B4GALNT2: variants seen among roughly 807,000 people sequenced by gnomAD.
B4GALNT2 encodes beta-1,4-N-acetyl-galactosaminyltransferase 2 (SID blood group).
Under a neutral mutation model 51.1 loss-of-function variants are expected in B4GALNT2, and 42 were observed. The observed-to-expected ratio is 0.82, with a 90% CI of 0.64 to 1.06. The LOEUF is 1.06. B4GALNT2 is among the 50% of genes least tolerant of loss of function. B4GALNT2 has a pLI of 0.00. For synonymous variants in B4GALNT2, 253 were observed against 251.7 expected (o/e 1.01, Z -0.05); for missense variants, 602 against 633.6 (o/e 0.95, Z 0.54).
chr17:49,125,978 CG>C, the B4GALNT2 span, among the ~76,000 whole-genome samples: 1 of 149,254 alleles, frequency 6.7e-6, no homozygotes, highest in African/African-American at 2.5e-5. Context: ...TCTGCCCGGC[CG>C]CCACCCCGTC....
intron 4 of B4GALNT2, among the ~76,000 whole-genome samples, chr17:49,153,136 G>A (rs1224853307): frequency 6.6e-6 from 1 of 151,992 alleles, no homozygotes; most frequent in East Asian, 1.9e-4. Flanking sequence ...AAGGGGCCGG[G>A]TGCTGTGCTC....
chr17:49,150,837 G>A (rs1306177363), intron 3 of B4GALNT2, among the ~76,000 whole-genome samples: 3 of 149,274 alleles, frequency 2.0e-5, no homozygotes, highest in Admixed American at 2.0e-4. Flanking sequence ...TTGTTCACTT[G>A]TTTATCCGCT....
chr17:49,153,885 C>T (rs767585349), intron 4 of B4GALNT2, among the ~76,000 whole-genome samples: 5 of 152,090 alleles, frequency 3.3e-5, no homozygotes, highest in Non-Finnish European at 7.4e-5. Context: ...CCTCCTGGGG[C>T]TCCAAGATAA....
At chr17:49,157,372 GTGCAGTGGTGCAATCTCTGCTCAC>G (rs781380707) in intron 5 of B4GALNT2, among the ~76,000 whole-genome samples, 23,418 of 151,126 alleles carry the variant, frequency 0.15, 2,097 homozygotes, top group South Asian at 0.31. Context: ...CTAGCCTGGA[GTGCAGTGGTGCAATCTCTGCTCAC>G]TGCAACCTCC....
In B4GALNT2 at chr17:49,170,305, T is replaced by C. The variant is rs2042949723; in HGVS notation, c.*577T>C. ...GAAGGGGTCACCAGGTCCCAGGTGG[T>C]GGAGGAAGACTCCGTGGAGTGAACT... On this transcript the variant is annotated 3_prime_UTR_variant, in exon 11 of 11. Transcript: ENST00000393354. 2.0e-5 allele frequency: 3 copies of C among 152,700 alleles called. No individual in the cohort carries two copies. Among genetic ancestry groups the C allele is most frequent in the African/African-American group, 4.8e-5 (2 of 41,442 alleles). The allele number at this position is 152,700 out of a possible 1,614,324, so 9.5% of individuals were successfully genotyped here. A position where few individuals can be genotyped will look rare whatever the true frequency, so the allele number is the denominator to read the frequency against.
upstream of B4GALNT2, among the ~76,000 whole-genome samples, chr17:49,128,235 C>A (rs112658996): frequency 5.0e-3 from 766 of 152,258 alleles, 7 homozygotes; most frequent in Middle Eastern, 0.027. Context: ...AATGCCTTCA[C>A]CCCCAGCCAC....
upstream of B4GALNT2, among the ~76,000 whole-genome samples, chr17:49,129,772 G>T (rs1471785148): frequency 1.3e-5 from 2 of 152,166 alleles, no homozygotes; most frequent in African/African-American, 4.8e-5. Context: ...TTATCTCAGG[G>T]CTGGCATGTC....
At position 49,172,503 on chromosome 17, in the gene B4GALNT2, T is replaced by G. The variant is rs972295897; in HGVS notation, c.*2775T>G. ...TGGCCTTTAAGCAGGCTCAAAAAATTTAAAGTCAATAATGCTAGAATCAAT... is the reference window on the plus strand; with the variant it reads ...TGGCCTTTAAGCAGGCTCAAAAAATGTAAAGTCAATAATGCTAGAATCAAT... On this transcript the variant is annotated 3_prime_UTR_variant, in exon 11 of 11. Coordinates refer to ENST00000393354, the MANE Select transcript of B4GALNT2 (RefSeq NM_001159387.2). 5 of 153,382 alleles carry G rather than the reference T, an allele frequency of 3.3e-5. No individual in the cohort carries two copies. Among genetic ancestry groups the G allele is most frequent in the African/African-American group, 1.2e-4 (5 of 41,508 alleles). 9.5% of individuals were successfully genotyped at this position (153,382 alleles called of 1,614,324 possible). A position where few individuals can be genotyped will look rare whatever the true frequency, so the allele number is the denominator to read the frequency against.
chr17:49,172,213 C>A lies in B4GALNT2; in HGVS notation c.*2485C>A. The stretch of plus-strand genomic sequence containing the variant: ...TCATGATAGTTGGGGTCCTCCTCAG[C>A]ATCAGTCTTGACATGGCTGCAACCA... On this transcript the variant is annotated 3_prime_UTR_variant, in exon 11 of 11. Coordinates refer to ENST00000393354, the MANE Select transcript of B4GALNT2 (RefSeq NM_001159387.2). 8.8e-6 allele frequency: 2 copies of A among 228,528 alleles called. No homozygotes were observed. Among genetic ancestry groups the A allele is most frequent in the Non-Finnish European group, 8.5e-6 (1 of 117,432 alleles). The allele number at this position is 228,528 out of a possible 1,614,324, so 14.2% of individuals were successfully genotyped here. A position where few individuals can be genotyped will look rare whatever the true frequency, so the allele number is the denominator to read the frequency against.
the B4GALNT2 span, among the ~76,000 whole-genome samples, chr17:49,126,089 C>A: frequency 6.6e-6 from 1 of 152,050 alleles, no homozygotes; most frequent in Non-Finnish European, 1.5e-5. Flanking sequence ...ATTGAGAAAT[C>A]GGATGGTTGC....
intron 2 of B4GALNT2, 86 bp downstream of exon 2, chr17:49,141,533 G>A: frequency 7.2e-7 from 1 of 1,394,472 alleles, no homozygotes. Context: ...TGTGCCCATT[G>A]TACAGATGGT....
At chr17:49,129,859 A>G (rs1026813716), upstream of B4GALNT2, among the ~76,000 whole-genome samples, 8 of 152,184 alleles carry the variant, frequency 5.3e-5, no homozygotes, top group Admixed American at 1.3e-4. Flanking sequence ...TGGTCATGCT[A>G]ACCTTAGCCA....
the B4GALNT2 span, among the ~76,000 whole-genome samples, chr17:49,123,422 T>C: frequency 6.6e-6 from 1 of 152,248 alleles, no homozygotes; most frequent in Non-Finnish European, 1.5e-5. Context: ...TAATAAAAAT[T>C]GAAAAACATT....
In B4GALNT2 at chr17:49,174,540, G is replaced by T. The variant is rs2042976333; in HGVS notation, c.*4812G>T. 6.6e-6 allele frequency: 1 copy of T among 152,160 alleles called. No individual in the cohort carries two copies. The highest frequency in any genetic ancestry group is 6.5e-5 in the Admixed American group (1 of 15,274). The allele number at this position is 152,160 out of a possible 1,614,324, so 9.4% of individuals were successfully genotyped here. On this transcript the variant is annotated 3_prime_UTR_variant, in exon 11 of 11. Coordinates refer to ENST00000393354, the MANE Select transcript of B4GALNT2 (RefSeq NM_001159387.2). ...AGTCCTGGCTGCAATGTCCCCATAG[G>T]TTGTATAACTGAATTAATGGCTCTT...
chr17:49,138,442 C>CT (rs2144274455), intron 1 of B4GALNT2, among the ~76,000 whole-genome samples: 1 of 152,304 alleles, frequency 6.6e-6, no homozygotes, highest in African/African-American at 2.4e-5. Context: ...TGTTTTCTGA[C>CT]TTGTTGGCTT....
At chr17:49,154,750 A>T (rs1429357806) in intron 4 of B4GALNT2, among the ~76,000 whole-genome samples, 2 of 152,090 alleles carry the variant, frequency 1.3e-5, no homozygotes, top group Non-Finnish European at 2.9e-5. Context: ...GATGCAGGAC[A>T]TCAACAGATG....
chr17:49,168,791 C>A lies in B4GALNT2; in HGVS notation c.1206C>A (p.Gly402=), dbSNP rs760066877. ...TGGGATTTTTCCAACCCCTGGATGG[C>A]TTCCCCAGCTGCGTGGTGACCAGTG... ...KRMGFFQPLD[G]FPSCVVTSGV... The change falls in exon 10 of 11, where the codon GGC becomes GGA. Residue 402 remains glycine, a synonymous_variant. Transcript: ENST00000393354. The A allele has an allele frequency of 9.3e-6, 15 of 1,614,116 alleles. 1 individual carries two copies. In the Admixed American group the frequency reaches 2.3e-4, roughly 25 times the overall value.
chr17:49,127,941 T>C (rs2042518986), upstream of B4GALNT2, among the ~76,000 whole-genome samples: 1 of 152,142 alleles, frequency 6.6e-6, no homozygotes, highest in Non-Finnish European at 1.5e-5. Flanking sequence ...ATTCAGTTGA[T>C]TGGGAGAAAA....
chr17:49,143,147 G>A (rs2042660640), intron 3 of B4GALNT2, among the ~76,000 whole-genome samples: 1 of 152,086 alleles, frequency 6.6e-6, no homozygotes, highest in Non-Finnish European at 1.5e-5. Context: ...TACTTGGGAG[G>A]CTGAGGCAGG....
Sources: gnomAD v4.1 joint callset for allele counts (sites outside exome capture counted in the v4.1 genomes callset) on GRCh38, gnomAD v4.1.1 for gene constraint, MANE v1.5 for transcripts, NCBI Gene and HGNC (gene_info 2026-07-23, HGNC 2026-07-21) for gene names.